The following FUNDC1 variants were observed in gnomAD, a reference collection of about 807,000 sequenced individuals.
FUNDC1 encodes the protein FUN14 domain-containing protein 1.
Under a neutral mutation model 14.5 loss-of-function variants are expected in FUNDC1, and 10 were observed. The ratio of observed to expected loss-of-function variants is 0.69; its 90% CI spans 0.43 to 1.17. The LOEUF (loss-of-function observed/expected upper bound fraction) is 1.17, where lower values mean the gene tolerates loss of function less well. FUNDC1 is among the 50% of genes most tolerant of loss of function. The pLI is 0.00. For missense variants in FUNDC1, 115 were observed against 113.8 expected (o/e 1.01, Z -0.05); for synonymous variants, 33 against 39.7 (o/e 0.83, Z 0.64).
At chrX:44,540,444 A>G (rs867987665) in intron 2 of FUNDC1, among the ~76,000 whole-genome samples, 7 of 86,851 alleles carry the variant, frequency 8.1e-5, no homozygotes, top group East Asian at 3.5e-4. Context: ...GTGTGTGTGT[A>G]TGTATATATA....
intron 3 of FUNDC1, among the ~76,000 whole-genome samples, chrX:44,536,817 A>G (rs1229926627): frequency 8.9e-6 from 1 of 111,928 alleles, no homozygotes. Context: ...CCTTTGAATT[A>G]TAAGGATGTA....
chrX:44,524,683 T>A (rs1298809170), intron 4 of FUNDC1, among the ~76,000 whole-genome samples: 1 of 111,669 alleles, frequency 9.0e-6, no homozygotes, highest in Admixed American at 9.7e-5. Flanking sequence ...TTTTCCTCAA[T>A]TCAATAAATA....
intron 2 of FUNDC1, among the ~76,000 whole-genome samples, chrX:44,539,651 TTC>T (rs749606414): frequency 3.6e-5 from 4 of 111,183 alleles, no homozygotes; most frequent in East Asian, 2.8e-4. Flanking sequence ...GAGAATAAAT[TTC>T]TGTTATTTAA....
In FUNDC1 at chrX:44,541,933, C is replaced by T; in HGVS notation, c.185+12G>A. On this transcript the variant is annotated intron_variant, in intron 2 of 4. Transcript: ENST00000378045. ...CCCAAATGAAATTTAATGAAAAAGACGTTGTTCTCACCAGCCAGTAACGCC... is the reference window on the plus strand; with the variant it reads ...CCCAAATGAAATTTAATGAAAAAGATGTTGTTCTCACCAGCCAGTAACGCC... 3.3e-6 allele frequency: 4 copies of T among 1,195,709 alleles called. No individual in the cohort carries two copies. Among genetic ancestry groups the T allele is most frequent in the Non-Finnish European group, 4.5e-6 (4 of 887,996 alleles).
chrX:44,526,150 G>C (rs1311667138), intron 4 of FUNDC1, among the ~76,000 whole-genome samples: 1 of 109,948 alleles, frequency 9.1e-6, no homozygotes, highest in African/African-American at 3.3e-5. Context: ...AAAACAGTTG[G>C]CCGGGCCTGG....
intron 3 of FUNDC1, among the ~76,000 whole-genome samples, chrX:44,538,005 G>A (rs1053495931): frequency 7.1e-5 from 8 of 112,498 alleles, no homozygotes; most frequent in Non-Finnish European, 1.3e-4. Context: ...TTTGGAGACA[G>A]AGTTTTGCTC....
intron 4 of FUNDC1, 86 bp downstream of exon 4, chrX:44,527,151 C>T (rs2038905732): frequency 2.9e-6 from 2 of 684,660 alleles, no homozygotes; most frequent in South Asian, 3.7e-5. Context: ...ACAGTAATCC[C>T]CCCCGGTCAC....
At chrX:44,537,350 G>C (rs763859958) in intron 3 of FUNDC1, among the ~76,000 whole-genome samples, 1 of 111,796 alleles carries the variant, frequency 8.9e-6, no homozygotes, top group Non-Finnish European at 1.9e-5. Context: ...AATGACAACT[G>C]AGTCTTCAAA....
intron 4 of FUNDC1, 141 bp from the exon 5 acceptor site, chrX:44,524,416 G>A (rs2038893251): frequency 6.6e-6 from 3 of 451,631 alleles, no homozygotes; most frequent in Non-Finnish European, 3.9e-6. Flanking sequence ...TCAGAAAGCA[G>A]AATACAGATC....
At chrX:44,542,688 T>TA (rs1219080208) in intron 1 of FUNDC1, 117 bp downstream of exon 1, 6,474 of 599,377 alleles carry the variant, frequency 0.011, no homozygotes, top group Non-Finnish European at 0.012. Context: ...GGGGCTGCCT[T>TA]AAAAAAAAAA....
chrX:44,526,785 A>G (rs1181178469), intron 4 of FUNDC1, among the ~76,000 whole-genome samples: 2 of 111,219 alleles, frequency 1.8e-5, no homozygotes, highest in African/African-American at 6.5e-5. Flanking sequence ...AAGGCAAGGA[A>G]GTATTCAATT....
At chrX:44,526,945 T>C (rs895852005) in intron 4 of FUNDC1, among the ~76,000 whole-genome samples, 3 of 110,252 alleles carry the variant, frequency 2.7e-5, no homozygotes, top group African/African-American at 9.9e-5. Context: ...ACATGTTCAT[T>C]TATAAAGGCA....
At chrX:44,535,702 C>T (rs2038945327) in intron 3 of FUNDC1, among the ~76,000 whole-genome samples, 1 of 100,891 alleles carries the variant, frequency 9.9e-6, no homozygotes, top group South Asian at 4.5e-4. Flanking sequence ...AGAAAGAATC[C>T]TGGCTGGGCG....
chrX:44,527,371 A>G lies in FUNDC1; in HGVS notation c.262-6T>C. On this transcript the variant is annotated splice_region_variant and splice_polypyrimidine_tract_variant and intron_variant, in intron 3 of 4. Coordinates refer to ENST00000378045, the MANE Select transcript of FUNDC1 (RefSeq NM_173794.4). ...TAGCCACTATGACTAGCAATCTGCA[A>G]AAAATATAATAAAAATTATCAATAC... is the stretch of plus-strand genomic sequence containing the variant. 1 of 1,161,034 alleles carries G rather than the reference A, an allele frequency of 8.6e-7. No individual in the cohort carries two copies. The highest frequency in any genetic ancestry group is 2.0e-5 in the South Asian group (1 of 50,018).
At chrX:44,527,819 GATC>G (rs1000308463) in intron 3 of FUNDC1, among the ~76,000 whole-genome samples, 1 of 111,516 alleles carries the variant, frequency 9.0e-6, no homozygotes, top group Non-Finnish European at 1.9e-5. Flanking sequence ...AATTATAAGG[GATC>G]ATAAGCCAAT....
In FUNDC1 at chrX:44,524,032, T is replaced by A. The variant is rs2038891578; in HGVS notation, c.*166A>T. ...AGGTTGTTTTACAGCAGATACTAGT[T>A]TGCCAAGCTTCAGATGGCAAAATGC... On this transcript the variant is annotated 3_prime_UTR_variant, in exon 5 of 5. Transcript: ENST00000378045. The A allele has an allele frequency of 6.8e-6, 3 of 440,180 alleles. No homozygotes were observed. In the Admixed American group the frequency reaches 1.2e-4, roughly 18 times the overall value. The allele number at this position is 440,180 out of a possible 1,213,427, so 36.3% of individuals were successfully genotyped here.
chrX:44,541,751 T>C (rs2038972829), intron 2 of FUNDC1, among the ~76,000 whole-genome samples, 194 bp downstream of exon 2: 1 of 110,535 alleles, frequency 9.0e-6, no homozygotes, highest in Admixed American at 9.8e-5. Context: ...GTGGTGGGCA[T>C]GGGGGAGGGG....
rs367975882 is a variant in FUNDC1 at position 44,540,414 on chromosome X, TTGTG to T, written c.185+1527_185+1530del. ...CCTGGCTGTAATCCAAATGTGTGTGTTGTGTGTGTGTGTGTGTGTGTGTGTGTGT... is the reference window on the plus strand; with the variant it reads ...CCTGGCTGTAATCCAAATGTGTGTGTTGTGTGTGTGTGTGTGTGTGTGTGT... On this transcript the variant is annotated intron_variant, in intron 2 of 4. Coordinates refer to ENST00000378045, the MANE Select transcript of FUNDC1 (RefSeq NM_173794.4). Among the ~76,000 whole-genome samples, 354 of 96,631 alleles carry T rather than the reference TTGTG, an allele frequency of 3.7e-3. 4 individuals carry two copies. The highest frequency in any genetic ancestry group is 0.027 in the Admixed American group (243 of 8,922). The allele number at this position is 96,631 out of a possible 115,157, so 83.9% of individuals were successfully genotyped here.
chrX:44,532,832 G>A (rs937558729), intron 3 of FUNDC1, among the ~76,000 whole-genome samples: 1 of 111,685 alleles, frequency 9.0e-6, no homozygotes, highest in African/African-American at 3.2e-5. Flanking sequence ...GATTACAGGC[G>A]TGAGCCACCA....
Sources: gnomAD v4.1 joint callset for allele counts (sites outside exome capture counted in the v4.1 genomes callset) on GRCh38, gnomAD v4.1.1 for gene constraint, MANE v1.5 for transcripts, NCBI Gene and HGNC (gene_info 2026-07-23, HGNC 2026-07-21) for gene names.